Variants in SNTG2 observed in about 807,000 individuals in gnomAD.
SNTG2 encodes the protein gamma-2-syntrophin.
In SNTG2, 74 loss-of-function variants were observed where a neutral mutation model predicts 70.9. The ratio of observed to expected loss-of-function variants is 1.04; its 90% CI spans 0.86 to 1.27. The LOEUF (loss-of-function observed/expected upper bound fraction) is 1.27. Among genes scored for constraint, SNTG2 ranks in the 50% most tolerant of loss-of-function variants. The pLI is 0.00. For missense variants in SNTG2, 717 were observed against 690.7 expected, an observed-to-expected ratio of 1.04 and a Z score of -0.43; for synonymous variants, 278 against 273.8, an observed-to-expected ratio of 1.02 and a Z score of -0.15.
rs148887469 is a variant in SNTG2, at chr2:1,032,275, C to T, written c.73-51243C>T. On this transcript the variant is annotated intron_variant, in intron 1 of 16. Transcript: ENST00000308624. Reference sequence around the variant, plus strand: ...AAACCGCAAAAGCCAAATAAGTAGGCCAGATTACACTGTACAGTGAAACAC... The same window carrying T: ...AAACCGCAAAAGCCAAATAAGTAGGTCAGATTACACTGTACAGTGAAACAC... 2.3e-4 allele frequency among the ~76,000 whole-genome samples: 35 copies of T among 152,130 alleles called. No individual in the cohort carries two copies. In the East Asian group the frequency reaches 6.6e-3, roughly 29 times the overall value.
intron 16 of SNTG2, 85 bp from the exon 17 acceptor site, chr2:1,367,258 C>T: frequency 2.2e-6 from 3 of 1,340,118 alleles, no homozygotes; most frequent in Non-Finnish European, 3.0e-6. Context: ...TCTTGGAGTT[C>T]ACAAGGTCCA....
chr2:963,747 A>G (rs1660435402), intron 1 of SNTG2, among the ~76,000 whole-genome samples: 1 of 152,192 alleles, frequency 6.6e-6, no homozygotes, highest in Non-Finnish European at 1.5e-5. Flanking sequence ...ATACTAAATT[A>G]AAATATTTCA....
chr2:1,194,638 A>G (rs942492232), intron 8 of SNTG2, among the ~76,000 whole-genome samples: 2 of 152,178 alleles, frequency 1.3e-5, no homozygotes, highest in Non-Finnish European at 2.9e-5. Flanking sequence ...ATACTCTAAA[A>G]TTATACTAAA....
intron 14 of SNTG2, among the ~76,000 whole-genome samples, chr2:1,292,762 G>T (rs1572932226): frequency 1.3e-5 from 2 of 152,066 alleles, no homozygotes; most frequent in Non-Finnish European, 2.9e-5. Context: ...ATTTTGTTGA[G>T]ATTTTTGCAT....
intron 4 of SNTG2, among the ~76,000 whole-genome samples, chr2:1,119,530 G>C (rs575129387): frequency 6.7e-6 from 1 of 150,200 alleles, no homozygotes; most frequent in Non-Finnish European, 1.5e-5. Flanking sequence ...AACATAAACT[G>C]TGGAGGAGAA....
intron 4 of SNTG2, among the ~76,000 whole-genome samples, chr2:1,123,310 A>G (rs537654842): frequency 2.0e-5 from 3 of 152,354 alleles, no homozygotes; most frequent in Admixed American, 6.5e-5. Flanking sequence ...GATTTAGATT[A>G]TATTACTATA....
chr2:1,037,027 G>T (rs535126267), intron 1 of SNTG2, among the ~76,000 whole-genome samples: 38 of 152,374 alleles, frequency 2.5e-4, no homozygotes, highest in Middle Eastern at 3.4e-3. Context: ...CCCGTGCCTT[G>T]CAGGTGGCTG....
chr2:1,106,306 G>T (rs1666145232), intron 4 of SNTG2, among the ~76,000 whole-genome samples: 2 of 122,694 alleles, frequency 1.6e-5, no homozygotes, highest in Admixed American at 8.4e-5. Context: ...CGGGTGCAGG[G>T]TATGGAGAGC....
At chr2:1,291,325 T>C (rs1249976695) in intron 14 of SNTG2, among the ~76,000 whole-genome samples, 1 of 152,196 alleles carries the variant, frequency 6.6e-6, no homozygotes, top group Non-Finnish European at 1.5e-5. Context: ...TTTGGTGGTG[T>C]CCTCTGATAC....
intron 16 of SNTG2, among the ~76,000 whole-genome samples, chr2:1,355,158 G>T (rs1357070220): frequency 2.0e-5 from 3 of 152,210 alleles, no homozygotes; most frequent in African/African-American, 7.2e-5. Context: ...TGTGACCTGG[G>T]AAATCACGTA....
chr2:1,273,312 TC>T (rs78600384), intron 14 of SNTG2, among the ~76,000 whole-genome samples: 32,229 of 152,000 alleles, frequency 0.21, 4,675 homozygotes, highest in African/African-American at 0.41. Context: ...CAGAAATTTT[TC>T]TGATAATTTC....
intron 1 of SNTG2, among the ~76,000 whole-genome samples, chr2:961,138 C>A (rs1263226652): frequency 6.6e-6 from 1 of 152,162 alleles, no homozygotes. Context: ...TAAATAAAAC[C>A]AACTTTATTT....
At chr2:1,001,819 TA>T (rs950445834) in intron 1 of SNTG2, among the ~76,000 whole-genome samples, 26 of 151,898 alleles carry the variant, frequency 1.7e-4, no homozygotes, top group Admixed American at 1.7e-3. Flanking sequence ...CAGTTCTAAG[TA>T]AAAAGAACAA....
chr2:1,207,167 T>C (rs1033318949), intron 8 of SNTG2, among the ~76,000 whole-genome samples: 1 of 152,240 alleles, frequency 6.6e-6, no homozygotes, highest in Non-Finnish European at 1.5e-5. Context: ...GCAAAGCTAA[T>C]ATGAAATACA....
At chr2:1,230,972 A>G (rs1331526301) in intron 9 of SNTG2, among the ~76,000 whole-genome samples, 1 of 152,058 alleles carries the variant, frequency 6.6e-6, no homozygotes, top group African/African-American at 2.4e-5. Flanking sequence ...TGCCTCTTCC[A>G]TAGGATCACT....
intron 1 of SNTG2, among the ~76,000 whole-genome samples, chr2:963,005 A>G (rs908550893): frequency 6.6e-6 from 1 of 152,224 alleles, no homozygotes; most frequent in East Asian, 1.9e-4. Context: ...TGGTAACATG[A>G]TTTCTCATAC....
At chr2:1,230,999 T>G (rs1052349085) in intron 9 of SNTG2, among the ~76,000 whole-genome samples, 10 of 151,360 alleles carry the variant, frequency 6.6e-5, no homozygotes, top group African/African-American at 2.4e-4. Flanking sequence ...GGGAAATAGA[T>G]CCGAAAGGTG....
intron 1 of SNTG2, among the ~76,000 whole-genome samples, chr2:994,221 G>T (rs779886239): frequency 6.6e-6 from 1 of 151,944 alleles, no homozygotes; most frequent in South Asian, 2.1e-4. Flanking sequence ...TTAAATTGTG[G>T]ATATCCAGAG....
At chr2:985,308 A>C (rs1249209893) in intron 1 of SNTG2, among the ~76,000 whole-genome samples, 3 of 152,120 alleles carry the variant, frequency 2.0e-5, no homozygotes, top group Non-Finnish European at 4.4e-5. Flanking sequence ...TTTTTGGCAA[A>C]TTTAGAAACT....
Sources: gnomAD v4.1 joint callset for allele counts (sites outside exome capture counted in the v4.1 genomes callset) on GRCh38, gnomAD v4.1.1 for gene constraint, MANE v1.5 for transcripts, NCBI Gene and HGNC (gene_info 2026-07-23, HGNC 2026-07-21) for gene names.